The following NR3C2 variants were observed in gnomAD, a reference collection of about 807,000 sequenced individuals.
NR3C2 encodes mineralocorticoid receptor.
A neutral mutation model predicts 86.4 loss-of-function variants in NR3C2; 15 were observed. That is an observed-to-expected ratio of 0.17 (90% CI 0.12 to 0.27). The LOEUF (loss-of-function observed/expected upper bound fraction) is 0.27. Among genes scored for constraint, NR3C2 ranks in the 10% least tolerant of loss-of-function variants. The pLI, the probability that NR3C2 is intolerant of heterozygous loss-of-function variation, is 1.00. For synonymous variants in NR3C2, 458 were observed against 450.5 expected, an observed-to-expected ratio of 1.02 and a Z score of -0.21; for missense variants, 960 against 1,195.6, an observed-to-expected ratio of 0.80 and a Z score of 2.91.
Position 148,435,192 on chromosome 4 carries a change from C to T in NR3C2, c.1669G>A (p.Val557Met). ...LSSFPPVNTL[V>M]ESWKSHGDLS... ...TCGCCGTGTGATTTCCATGACTCCA[C>T]TAAAGTATTGACAGGAGGAAAGGAA... Residue 557 changes from valine to methionine, a missense_variant, in exon 2 of 9, where the codon GTG (valine) becomes ATG (methionine). Val to Met is a conservative substitution (Grantham distance 21). This residue lies in a region of NR3C2 where 680 missense variants were observed against 719.0 expected (regional missense o/e 0.95). Transcript: ENST00000358102. 1 of 1,614,152 alleles carries T rather than the reference C, an allele frequency of 6.2e-7. No homozygotes were observed. Among genetic ancestry groups the T allele is most frequent in the Non-Finnish European group, 8.5e-7 (1 of 1,180,022 alleles).
intron 2 of NR3C2, among the ~76,000 whole-genome samples, chr4:148,317,495 G>A (rs925394073): frequency 2.0e-5 from 3 of 151,928 alleles, no homozygotes; most frequent in Admixed American, 1.3e-4. Context: ...AAACCCAGTT[G>A]CTTTGTACCT....
intron 2 of NR3C2, among the ~76,000 whole-genome samples, chr4:148,389,069 T>C (rs946398437): frequency 1.1e-4 from 16 of 152,314 alleles, no homozygotes; most frequent in African/African-American, 3.4e-4. Context: ...ATGTTCAACA[T>C]AGAGGGCTAT....
At chr4:148,329,230 A>T (rs1034491090) in intron 2 of NR3C2, among the ~76,000 whole-genome samples, 10 of 152,134 alleles carry the variant, frequency 6.6e-5, no homozygotes, top group Non-Finnish European at 1.3e-4. Context: ...AAGAACCATG[A>T]GTGTTGTGTA....
At chr4:148,145,367 C>T (rs1040736287) in intron 6 of NR3C2, among the ~76,000 whole-genome samples, 5 of 152,152 alleles carry the variant, frequency 3.3e-5, no homozygotes, top group Non-Finnish European at 5.9e-5. Flanking sequence ...GGAGAAGGGA[C>T]GCAATCTCCC....
chr4:148,264,706 T>C (rs1412538942), intron 2 of NR3C2, among the ~76,000 whole-genome samples: 1 of 152,122 alleles, frequency 6.6e-6, no homozygotes, highest in African/African-American at 2.4e-5. Context: ...CCTTTTAAGA[T>C]AAAAGTATAA....
At chr4:148,085,641 A>T (rs1201910325) in intron 8 of NR3C2, among the ~76,000 whole-genome samples, 1 of 152,210 alleles carries the variant, frequency 6.6e-6, no homozygotes, top group African/African-American at 2.4e-5. Flanking sequence ...ATAAGATCAG[A>T]GCAGAACTGA....
In NR3C2 at chr4:148,277,737, A is replaced by G. The variant is rs556373078; in HGVS notation, c.1758-17620T>C. ...CACAAATGGTGACCAAATTTAAAAT[A>G]ATCTGTACCTCAGGAAGGTTGCTCC... On this transcript the variant is annotated intron_variant, in intron 2 of 8. Coordinates refer to ENST00000358102, the MANE Select transcript of NR3C2 (RefSeq NM_000901.5). Among the ~76,000 whole-genome samples the G allele has an allele frequency of 3.9e-5, 6 of 152,342 alleles. No individual in the cohort carries two copies. In the East Asian group the frequency reaches 7.7e-4, roughly 20 times the overall value.
chr4:148,353,852 C>A (rs1387573168), intron 2 of NR3C2, among the ~76,000 whole-genome samples: 1 of 152,026 alleles, frequency 6.6e-6, no homozygotes, highest in Non-Finnish European at 1.5e-5. Flanking sequence ...TTAGGCCAAC[C>A]CACATAAATA....
In NR3C2 at chr4:148,435,331, G is replaced by A. The variant is rs866014705; in HGVS notation, c.1530C>T (p.Ser510=). Residue 510 remains serine, a synonymous_variant, in exon 2 of 9, where the codon TCC becomes TCT. Transcript: ENST00000358102. ...CTGAATTCACCCCAACAATAGCAGA[G>A]GAAGGGATGCTGGCCTCTGGGTAAT... The part of the protein sequence containing the change: ...GSYYPEASIP[S]SAIVGVNSGG... 2 of 1,614,074 alleles carry A rather than the reference G, an allele frequency of 1.2e-6. No homozygotes were observed. Among genetic ancestry groups the A allele is most frequent in the African/African-American group, 1.3e-5 (1 of 74,932 alleles).
At chr4:148,118,691 C>G (rs1239742068) in intron 7 of NR3C2, among the ~76,000 whole-genome samples, 1 of 152,198 alleles carries the variant, frequency 6.6e-6, no homozygotes, top group Non-Finnish European at 1.5e-5. Flanking sequence ...ACTCATTTTA[C>G]ACGCCACACA....
chr4:148,322,372 T>A (rs1326092680), intron 2 of NR3C2, among the ~76,000 whole-genome samples: 3 of 134,804 alleles, frequency 2.2e-5, no homozygotes, highest in Admixed American at 7.6e-5. Flanking sequence ...GTTGCTCTTC[T>A]CGAGGAGTAT....
chr4:148,384,867 G>A (rs1747183729), intron 2 of NR3C2, among the ~76,000 whole-genome samples: 3 of 152,140 alleles, frequency 2.0e-5, no homozygotes, highest in Admixed American at 2.0e-4. Context: ...AGCTGCAAAG[G>A]AAGACTGAAT....
chr4:148,154,401 T>C (rs770186152), intron 5 of NR3C2, 150 bp downstream of exon 5: 8 of 786,016 alleles, frequency 1.0e-5, no homozygotes, highest in South Asian at 4.2e-5. Context: ...ATTTTTCCTA[T>C]ACACTTGATC....
intron 4 of NR3C2, among the ~76,000 whole-genome samples, chr4:148,186,140 C>A (rs1178243463): frequency 6.6e-6 from 1 of 152,178 alleles, no homozygotes; most frequent in Non-Finnish European, 1.5e-5. Flanking sequence ...CAAACAGTGT[C>A]ATAAAAATGT....
intron 2 of NR3C2, among the ~76,000 whole-genome samples, chr4:148,373,480 C>T (rs2137336): frequency 0.71 from 92,356 of 129,244 alleles, 30,957 homozygotes; most frequent in East Asian, 0.8. Context: ...CTTTTTTTTT[C>T]TTTTTTTTTT....
chr4:148,084,525 A>G (rs1282772628), intron 8 of NR3C2, among the ~76,000 whole-genome samples: 3 of 152,354 alleles, frequency 2.0e-5, no homozygotes, highest in East Asian at 1.9e-4. Flanking sequence ...AGCGCTAGAC[A>G]TGGAAAGGAA....
chr4:148,358,037 T>G (rs1000585594), intron 2 of NR3C2, among the ~76,000 whole-genome samples: 7 of 152,188 alleles, frequency 4.6e-5, no homozygotes, highest in African/African-American at 7.2e-5. Flanking sequence ...AAATGCCATA[T>G]CTCACCATTG....
intron 2 of NR3C2, among the ~76,000 whole-genome samples, chr4:148,300,861 C>A (rs934358836): frequency 2.0e-5 from 3 of 152,112 alleles, no homozygotes; most frequent in Admixed American, 6.5e-5. Flanking sequence ...CATGAGCCAC[C>A]GCGCCCGACC....
intron 4 of NR3C2, among the ~76,000 whole-genome samples, chr4:148,193,620 C>T (rs1736306570): frequency 1.3e-5 from 2 of 152,118 alleles, no homozygotes; most frequent in Non-Finnish European, 2.9e-5. Context: ...ATATGTTACA[C>T]TGTATTTTAA....
Sources: gnomAD v4.1 joint callset for allele counts (sites outside exome capture counted in the v4.1 genomes callset) on GRCh38, gnomAD v4.1.1 for gene constraint, gnomAD v4.1.1 regional missense constraint, MANE v1.5 for transcripts, NCBI Gene and HGNC (gene_info 2026-07-23, HGNC 2026-07-21) for gene names.